The following WWC2 variants were observed in gnomAD, a reference collection of about 807,000 sequenced individuals.
WWC2 encodes WW and C2 domain containing 2, also known as protein WWC2.
A neutral mutation model predicts 138.5 loss-of-function variants in WWC2; 101 were observed. The ratio of observed to expected loss-of-function variants is 0.73; its 90% CI spans 0.62 to 0.86. WWC2 has a LOEUF of 0.86. Among genes scored for constraint, WWC2 ranks in the 40% least tolerant of loss-of-function variants. The pLI is 0.00. For missense variants in WWC2, 1,420 were observed against 1,419.4 expected (o/e 1.00, Z -0.01); for synonymous variants, 558 against 538.4 (o/e 1.04, Z -0.50).
At chr4:183,276,011 C>T (rs1383744232) in intron 16 of WWC2, among the ~76,000 whole-genome samples, 2 of 152,012 alleles carry the variant, frequency 1.3e-5, no homozygotes, top group Non-Finnish European at 2.9e-5. Flanking sequence ...TAGCATTTAC[C>T]TTTAGCATTG....
At chr4:183,224,549 A>ACTTTT in intron 4 of WWC2, among the ~76,000 whole-genome samples, 1 of 107,696 alleles carries the variant, frequency 9.3e-6, no homozygotes, top group Admixed American at 8.7e-5. Context: ...GTTTTTGTTT[A>ACTTTT]GTTTTGTTTT....
At chr4:183,132,629 A>AT (rs1357009276) in intron 1 of WWC2, among the ~76,000 whole-genome samples, 1 of 151,440 alleles carries the variant, frequency 6.6e-6, no homozygotes, top group Non-Finnish European at 1.5e-5. Flanking sequence ...AATTTTTTGT[A>AT]TTTTTAGTAG....
At chr4:183,306,573 A>T (rs1364987849) in intron 21 of WWC2, among the ~76,000 whole-genome samples, 6 of 147,712 alleles carry the variant, frequency 4.1e-5, no homozygotes, top group African/African-American at 1.2e-4. Context: ...AGGGGTAACA[A>T]TTTTTTTTTT....
At chr4:183,205,719 A>G (rs780457286) in intron 2 of WWC2, among the ~76,000 whole-genome samples, 1 of 151,994 alleles carries the variant, frequency 6.6e-6, no homozygotes. Flanking sequence ...CCTTTACCCT[A>G]TGTCTTATTT....
chr4:183,213,925 TAA>T (rs759954959), intron 4 of WWC2, among the ~76,000 whole-genome samples: 2 of 142,938 alleles, frequency 1.4e-5, no homozygotes, highest in Non-Finnish European at 1.5e-5. Context: ...CAATTGCCGT[TAA>T]AAAAAAAAAA....
intron 16 of WWC2, among the ~76,000 whole-genome samples, chr4:183,271,578 C>T (rs181193630): frequency 9.9e-5 from 15 of 152,254 alleles, no homozygotes; most frequent in Admixed American, 9.8e-4. Context: ...GTATTGTGTT[C>T]ACATTGTTTG....
At chr4:183,275,550 A>T (rs1292245912) in intron 16 of WWC2, among the ~76,000 whole-genome samples, 1 of 152,158 alleles carries the variant, frequency 6.6e-6, no homozygotes, top group East Asian at 1.9e-4. Flanking sequence ...CCTTTGTTGC[A>T]TCTGTTGAGA....
At chr4:183,227,249 A>C (rs1736101514) in intron 4 of WWC2, among the ~76,000 whole-genome samples, 1 of 152,056 alleles carries the variant, frequency 6.6e-6, no homozygotes, top group South Asian at 2.1e-4. Flanking sequence ...CTGAATTCAC[A>C]TTTACCTGGA....
At chr4:183,128,965 A>G (rs1412747095) in intron 1 of WWC2, among the ~76,000 whole-genome samples, 5 of 152,236 alleles carry the variant, frequency 3.3e-5, no homozygotes, top group Non-Finnish European at 5.9e-5. Context: ...TTATTATATA[A>G]GTACTGTATT....
At chr4:183,257,025 G>T (rs898220400) in intron 9 of WWC2, among the ~76,000 whole-genome samples, 1 of 151,840 alleles carries the variant, frequency 6.6e-6, no homozygotes, top group African/African-American at 2.4e-5. Flanking sequence ...GGCCTAAAGA[G>T]AAATTGCTCG....
chr4:183,268,071 A>G (rs1376895299), intron 14 of WWC2, among the ~76,000 whole-genome samples: 2 of 152,198 alleles, frequency 1.3e-5, no homozygotes, highest in East Asian at 3.9e-4. Flanking sequence ...TCATTGCTGA[A>G]TCTCCATAAT....
chr4:183,197,309 T>C (rs1388420118), intron 2 of WWC2, among the ~76,000 whole-genome samples: 1 of 152,244 alleles, frequency 6.6e-6, no homozygotes, highest in East Asian at 1.9e-4. Context: ...TCTGGTCCAT[T>C]GTCTCATTAA....
chr4:183,261,784 G>C (rs1224733927), intron 11 of WWC2, among the ~76,000 whole-genome samples: 3 of 152,186 alleles, frequency 2.0e-5, no homozygotes, highest in Non-Finnish European at 4.4e-5. Context: ...GACACTCTGT[G>C]TGTGGTAGCT....
intron 1 of WWC2, among the ~76,000 whole-genome samples, chr4:183,152,786 G>A (rs1166942492): frequency 1.3e-5 from 2 of 151,876 alleles, no homozygotes; most frequent in Admixed American, 6.6e-5. Context: ...AGGAGGCTGA[G>A]GCAGGAGAAT....
intron 16 of WWC2, among the ~76,000 whole-genome samples, chr4:183,278,964 C>G (rs1202660585): frequency 6.6e-6 from 1 of 151,488 alleles, no homozygotes; most frequent in African/African-American, 2.4e-5. Flanking sequence ...ATTGAATACC[C>G]TTTATTTCCT....
chr4:183,202,248 G>A (rs1045879332), intron 2 of WWC2, among the ~76,000 whole-genome samples: 1 of 152,080 alleles, frequency 6.6e-6, no homozygotes, highest in African/African-American at 2.4e-5. Flanking sequence ...AGATAAAAGA[G>A]GAGGTTAGGG....
At chr4:183,224,167 T>C (rs1736005609) in intron 4 of WWC2, among the ~76,000 whole-genome samples, 1 of 152,230 alleles carries the variant, frequency 6.6e-6, no homozygotes, top group Non-Finnish European at 1.5e-5. Context: ...CCTTTGTTCC[T>C]ATAATTCCTG....
chr4:183,229,767 C>CA (rs1736187036), intron 4 of WWC2, among the ~76,000 whole-genome samples: 1 of 152,028 alleles, frequency 6.6e-6, no homozygotes, highest in African/African-American at 2.4e-5. Flanking sequence ...GAGGAACTGT[C>CA]ACAGACTGGG....
chr4:183,261,540 C>T lies in WWC2; in HGVS notation c.1909+8C>T. ...TATATGAAGGAACTGCAGGTAAATG[C>T]AGCCCTTTGCTTTCATGTATTCCCT... On this transcript the variant is annotated splice_region_variant and intron_variant, in intron 11 of 22. Coordinates refer to ENST00000403733, the MANE Select transcript of WWC2 (RefSeq NM_024949.6). 1 of 1,604,400 alleles carries T rather than the reference C, an allele frequency of 6.2e-7. No homozygotes were observed.
Sources: allele counts gnomAD v4.1 joint callset (sites outside exome capture counted in the v4.1 genomes callset), GRCh38; gene constraint gnomAD v4.1.1; transcripts MANE v1.5; gene names NCBI Gene and HGNC (gene_info 2026-07-23, HGNC 2026-07-21).